UPF2: variants seen among roughly 807,000 people sequenced by gnomAD.
UPF2 encodes the protein UPF2 regulator of nonsense mediated mRNA decay.
UPF2 carries 17 observed loss-of-function variants against 141.4 expected under a neutral mutation model. The observed-to-expected ratio is 0.12, with a 90% CI of 0.08 to 0.18. UPF2 has a LOEUF of 0.18. Ranked by LOEUF, UPF2 falls within the 10% of genes least tolerant of loss-of-function variation. The pLI is 1.00. For missense variants in UPF2, 1,152 were observed against 1,515.9 expected (o/e 0.76, Z 3.99); for synonymous variants, 540 against 498.0 (o/e 1.08, Z -1.12).
intron 19 of UPF2, among the ~76,000 whole-genome samples, chr10:11,934,862 A>T (rs531320002): frequency 1.3e-5 from 2 of 152,342 alleles, no homozygotes; most frequent in East Asian, 3.9e-4. Context: ...TGCTGGGATT[A>T]CAGGTGTGAG....
intron 4 of UPF2, among the ~76,000 whole-genome samples, chr10:12,006,788 T>G (rs1423545044): frequency 6.6e-6 from 1 of 152,126 alleles, no homozygotes; most frequent in Non-Finnish European, 1.5e-5. Context: ...ATTTCCTGAG[T>G]GAAAGGAATG....
intron 8 of UPF2, among the ~76,000 whole-genome samples, chr10:11,982,570 G>A (rs747427736): frequency 7.2e-5 from 11 of 152,076 alleles, no homozygotes; most frequent in Admixed American, 1.3e-4. Context: ...GACCCGTTCC[G>A]AATACTCCAA....
chr10:11,984,017 G>A (rs1242539560), intron 8 of UPF2, among the ~76,000 whole-genome samples: 3 of 151,730 alleles, frequency 2.0e-5, no homozygotes, highest in Non-Finnish European at 2.9e-5. Context: ...TCCACCTCCC[G>A]GGTTCAAGCA....
Position 12,010,911 on chromosome 10 carries a change from G to T in UPF2, c.1306+3113C>A, listed in dbSNP as rs1834115409. The stretch of plus-strand genomic sequence containing the variant: ...ATTCTTGATGGAACAATGCAAGCTA[G>T]AAGACAGAGGAGTAACATCTTTAAA... On this transcript the variant is annotated intron_variant, in intron 4 of 21. Coordinates refer to ENST00000357604, the MANE Select transcript of UPF2 (RefSeq NM_015542.4). Among the ~76,000 whole-genome samples the T allele has an allele frequency of 2.0e-5, 3 of 151,960 alleles. No homozygotes were observed. In the East Asian group the frequency reaches 5.8e-4, roughly 29 times the overall value.
At chr10:12,001,861 G>A in intron 5 of UPF2, 36 bp from the exon 6 acceptor site, 3 of 1,526,098 alleles carry the variant, frequency 2.0e-6, no homozygotes, top group Middle Eastern at 1.7e-4. Flanking sequence ...TAAATTCAAA[G>A]TCATATGAAA....
rs1554775870 is a variant in UPF2 at position 11,954,643 on chromosome 10, A to ATATAT, written c.2850+588_2850+589insATATA. Among the ~76,000 whole-genome samples the ATATAT allele has an allele frequency of 4.5e-3, 573 of 128,354 alleles. 12 individuals carry two copies. Among genetic ancestry groups the ATATAT allele is most frequent in the Admixed American group, 0.032 (403 of 12,470 alleles). 84.2% of individuals were successfully genotyped at this position (128,354 alleles called of 152,430 possible). A position where few individuals can be genotyped will look rare whatever the true frequency, so the allele number is the denominator to read the frequency against. On this transcript the variant is annotated intron_variant, in intron 14 of 21. Transcript: ENST00000357604. ...AGCAAGACTTACTCTCAAAAAAAAA[A>ATATAT]ATATATATATATATATATACATATA...
chr10:11,996,098 T>A (rs1833860188), intron 8 of UPF2, among the ~76,000 whole-genome samples: 1 of 152,114 alleles, frequency 6.6e-6, no homozygotes, highest in Non-Finnish European at 1.5e-5. Flanking sequence ...ATACAAGAAC[T>A]AAGATGATCT....
intron 11 of UPF2, among the ~76,000 whole-genome samples, chr10:11,962,484 C>G (rs1833255623): frequency 6.6e-6 from 1 of 152,098 alleles, no homozygotes; most frequent in South Asian, 2.1e-4. Context: ...TCAGTTCTAC[C>G]TCCTAAAAAT....
At position 11,959,056 on chromosome 10, in the gene UPF2, G is replaced by T; in HGVS notation, c.2370+115C>A. The T allele has an allele frequency of 1.0e-6, 1 of 958,442 alleles. No individual in the cohort carries two copies. The highest frequency in any genetic ancestry group is 1.4e-6 in the Non-Finnish European group (1 of 690,390). The allele number at this position is 958,442 out of a possible 1,614,324, so 59.4% of individuals were successfully genotyped here. A position where few individuals can be genotyped will look rare whatever the true frequency, so the allele number is the denominator to read the frequency against. Reference sequence around the variant, plus strand: ...ATTCCTTCTTAGGGTGACTTACACAGAGCTGATTATAAAGGAACTTGAGCT... The same window carrying T: ...ATTCCTTCTTAGGGTGACTTACACATAGCTGATTATAAAGGAACTTGAGCT... On this transcript the variant is annotated intron_variant, in intron 12 of 21. Coordinates refer to ENST00000357604, the MANE Select transcript of UPF2 (RefSeq NM_015542.4). This position sits in a 1 kb window ranked among gnomAD's most constrained non-coding sequence, Gnocchi z 5.9.
intron 5 of UPF2, 34 bp downstream of exon 5, chr10:12,004,496 C>T (rs1194650122): frequency 1.3e-6 from 2 of 1,522,568 alleles, no homozygotes; most frequent in Admixed American, 2.0e-5. Context: ...ATTCTTATAG[C>T]ACTTAATGTA....
chr10:12,013,954 CT>C, intron 4 of UPF2, 69 bp downstream of exon 4: 1 of 1,347,180 alleles, frequency 7.4e-7, no homozygotes, highest in South Asian at 2.2e-5. Context: ...TACTGCACAT[CT>C]GATAAGCCTA....
chr10:12,011,671 C>T (rs567247709), intron 4 of UPF2, among the ~76,000 whole-genome samples: 76 of 151,844 alleles, frequency 5.0e-4, no homozygotes, highest in African/African-American at 1.7e-3. Context: ...CATGACAGGG[C>T]GCAGTGGCTC....
intron 1 of UPF2, among the ~76,000 whole-genome samples, chr10:12,037,219 G>C (rs1043526775): frequency 2.0e-4 from 31 of 151,986 alleles, no homozygotes; most frequent in African/African-American, 7.5e-4. Flanking sequence ...CAAGTAGCTG[G>C]AACAGTAGGT....
intron 18 of UPF2, among the ~76,000 whole-genome samples, chr10:11,938,853 G>GGTTTTTTTTTTTTT (rs1832889411): frequency 6.3e-5 from 5 of 79,818 alleles, no homozygotes; most frequent in African/African-American, 1.5e-4. Flanking sequence ...TTTTTTTTTT[G>GGTTTTTTTTTTTTT]TTTTTTTTTT....
intron 11 of UPF2, among the ~76,000 whole-genome samples, chr10:11,962,033 A>G (rs577172939): frequency 1.3e-5 from 2 of 152,338 alleles, no homozygotes; most frequent in South Asian, 4.1e-4. Context: ...CATGTTTAAA[A>G]GAGCTAGAGA....
chr10:11,946,369 T>A (rs529119450), intron 16 of UPF2, among the ~76,000 whole-genome samples: 1 of 152,332 alleles, frequency 6.6e-6, no homozygotes, highest in South Asian at 2.1e-4. Context: ...TAAAGCTTTT[T>A]AAAAATCCAG....
rs1447516165 is a variant in UPF2, at chr10:12,010,079, A to G, written c.1306+3945T>C. On this transcript the variant is annotated intron_variant, in intron 4 of 21. Coordinates refer to ENST00000357604, the MANE Select transcript of UPF2 (RefSeq NM_015542.4). ...AGATACTGCCTCAGTATTAGGAAAA[A>G]TTAGCTTTAGATTAAAGGCTGCTCT... Among the ~76,000 whole-genome samples, 3 of 152,230 alleles carry G rather than the reference A, an allele frequency of 2.0e-5. No homozygotes were observed. The East Asian group carries it at 5.8e-4, about 29-fold the overall frequency.
At chr10:11,976,436 A>G (rs1327508485) in intron 9 of UPF2, among the ~76,000 whole-genome samples, 1 of 152,232 alleles carries the variant, frequency 6.6e-6, no homozygotes, top group Non-Finnish European at 1.5e-5. Flanking sequence ...TCTAGGTGCA[A>G]AAGTAGAGGT....
chr10:11,967,015 T>C (rs775394969), intron 10 of UPF2, among the ~76,000 whole-genome samples: 10 of 152,220 alleles, frequency 6.6e-5, no homozygotes, highest in Non-Finnish European at 1.0e-4. Context: ...CATTTTTTTA[T>C]TTAATTTTTC....
Sources: gnomAD v4.1 joint callset for allele counts (sites outside exome capture counted in the v4.1 genomes callset) on GRCh38, gnomAD v4.1.1 for gene constraint, Gnocchi (gnomAD v3.1) non-coding constraint, MANE v1.5 for transcripts, NCBI Gene and HGNC (gene_info 2026-07-23, HGNC 2026-07-21) for gene names.